The following HS3ST5 variants were observed in gnomAD, a reference collection of about 807,000 sequenced individuals.
HS3ST5 encodes the protein heparan sulfate glucosamine 3-O-sulfotransferase 5.
Under a neutral mutation model 25.4 loss-of-function variants are expected in HS3ST5, and 10 were observed. The observed-to-expected ratio is 0.39, with a 90% CI of 0.24 to 0.67. The LOEUF (loss-of-function observed/expected upper bound fraction) is 0.67, where lower values mean the gene tolerates loss of function less well. Ranked by LOEUF, HS3ST5 falls within the 30% of genes least tolerant of loss-of-function variation. HS3ST5 has a pLI of 0.44. For missense variants in HS3ST5, 324 were observed against 420.7 expected (o/e 0.77, Z 2.01); for synonymous variants, 170 against 162.4 (o/e 1.05, Z -0.36).
At chr6:114,332,157 A>C (rs1776424818) in intron 1 of HS3ST5, among the ~76,000 whole-genome samples, 1 of 152,170 alleles carries the variant, frequency 6.6e-6, no homozygotes, top group African/African-American at 2.4e-5. Flanking sequence ...ATCTCTTAAA[A>C]ATTATTATAA....
At chr6:114,194,191 G>A (rs1300121365) in intron 2 of HS3ST5, among the ~76,000 whole-genome samples, 1 of 152,126 alleles carries the variant, frequency 6.6e-6, no homozygotes, top group Non-Finnish European at 1.5e-5. Flanking sequence ...CTTTTGCATT[G>A]ACTAAATCTG....
At chr6:114,120,841 T>C (rs1776752767) in intron 3 of HS3ST5, among the ~76,000 whole-genome samples, 1 of 152,224 alleles carries the variant, frequency 6.6e-6, no homozygotes, top group African/African-American at 2.4e-5. Context: ...AGGATTTTGT[T>C]CTTTTTCTTT....
chr6:114,305,438 C>G (rs568378548), intron 1 of HS3ST5, among the ~76,000 whole-genome samples: 1 of 152,164 alleles, frequency 6.6e-6, no homozygotes, highest in African/African-American at 2.4e-5. Context: ...TGAATAATAG[C>G]AGCTTGACAG....
intron 1 of HS3ST5, among the ~76,000 whole-genome samples, chr6:114,277,554 A>G (rs1439658917): frequency 6.6e-6 from 1 of 151,808 alleles, no homozygotes; most frequent in Non-Finnish European, 1.5e-5. Context: ...GCAAATATTA[A>G]CTTTTTCCCC....
chr6:114,328,801 T>C (rs1257804907), intron 1 of HS3ST5, among the ~76,000 whole-genome samples: 1 of 152,188 alleles, frequency 6.6e-6, no homozygotes, highest in African/African-American at 2.4e-5. Context: ...TGATAAAAGA[T>C]GGGCTTGATA....
In HS3ST5 at chr6:114,154,448, A is replaced by G. The variant is rs140232119; in HGVS notation, c.-33+13903T>C. ...TGAGGCAGGCAAGTTGCTTTAGCCCAGGGGTTTGAAACCAACCTGGGCAAC... is the reference window on the plus strand; with the variant it reads ...TGAGGCAGGCAAGTTGCTTTAGCCCGGGGGTTTGAAACCAACCTGGGCAAC... On this transcript the variant is annotated intron_variant, in intron 3 of 4. Coordinates refer to ENST00000312719, the MANE Select transcript of HS3ST5 (RefSeq NM_153612.4). Among the ~76,000 whole-genome samples the G allele has an allele frequency of 4.6e-3, 705 of 152,254 alleles. 9 individuals are homozygous for G. Among genetic ancestry groups the G allele is most frequent in the African/African-American group, 0.014 (594 of 41,532 alleles).
chr6:114,186,620 T>C (rs1562230386), intron 2 of HS3ST5, among the ~76,000 whole-genome samples: 1 of 152,196 alleles, frequency 6.6e-6, no homozygotes, highest in Non-Finnish European at 1.5e-5. Flanking sequence ...GCAGCAAATG[T>C]TGATATAGAG....
At chr6:114,318,042 G>A (rs920712483) in intron 1 of HS3ST5, among the ~76,000 whole-genome samples, 4 of 152,068 alleles carry the variant, frequency 2.6e-5, no homozygotes, top group Admixed American at 6.6e-5. Flanking sequence ...TACAACTGGC[G>A]AGAGTTAAGC....
At chr6:114,237,329 C>CTTTTTTTTTTTTTTTTT (rs35288943) in intron 1 of HS3ST5, among the ~76,000 whole-genome samples, 1 of 145,270 alleles carries the variant, frequency 6.9e-6, no homozygotes. Flanking sequence ...GATACGAGTA[C>CTTTTTTTTTTTTTTTTT]TTTTTTTTTT....
chr6:114,102,404 C>G (rs1429654655), intron 3 of HS3ST5, among the ~76,000 whole-genome samples: 1 of 152,150 alleles, frequency 6.6e-6, no homozygotes, highest in Non-Finnish European at 1.5e-5. Context: ...GAGGAGCTCA[C>G]TGTTGTTTGT....
chr6:114,329,526 C>T (rs1776306021), intron 1 of HS3ST5, among the ~76,000 whole-genome samples: 1 of 152,158 alleles, frequency 6.6e-6, no homozygotes, highest in Admixed American at 6.6e-5. Context: ...CTCACCTCCC[C>T]TAACTTCTCT....
At chr6:114,301,557 A>G (rs1394580996) in intron 1 of HS3ST5, among the ~76,000 whole-genome samples, 1 of 152,178 alleles carries the variant, frequency 6.6e-6, no homozygotes, top group African/African-American at 2.4e-5. Context: ...TACATCTGGA[A>G]GAAGCCATAA....
At chr6:114,327,651 T>C (rs908720390) in intron 1 of HS3ST5, among the ~76,000 whole-genome samples, 1 of 148,250 alleles carries the variant, frequency 6.7e-6, no homozygotes, top group Non-Finnish European at 1.5e-5. Flanking sequence ...GGTCCAGACA[T>C]GCAACATCAT....
intron 3 of HS3ST5, among the ~76,000 whole-genome samples, chr6:114,111,983 G>A (rs938218482): frequency 3.9e-5 from 6 of 151,932 alleles, no homozygotes; most frequent in African/African-American, 1.2e-4. Flanking sequence ...CCTCCTTGCC[G>A]TCCTTCTCAT....
intron 1 of HS3ST5, among the ~76,000 whole-genome samples, chr6:114,235,070 C>T (rs1256044525): frequency 6.6e-6 from 1 of 152,110 alleles, no homozygotes; most frequent in Non-Finnish European, 1.5e-5. Flanking sequence ...TTGCAGTGAG[C>T]TGAGACTGTG....
At chr6:114,306,293 A>AT (rs1775295037) in intron 1 of HS3ST5, among the ~76,000 whole-genome samples, 2 of 147,732 alleles carry the variant, frequency 1.4e-5, no homozygotes, top group Middle Eastern at 3.3e-3. Context: ...ATATATATAT[A>AT]AAATATATAT....
chr6:114,321,283 G>A (rs1462826552), intron 1 of HS3ST5, among the ~76,000 whole-genome samples: 3 of 151,990 alleles, frequency 2.0e-5, no homozygotes, highest in South Asian at 2.1e-4. Flanking sequence ...TATCAAAAAC[G>A]ATTTGCTGTT....
At chr6:114,253,578 A>G (rs1284557824) in intron 1 of HS3ST5, among the ~76,000 whole-genome samples, 1 of 152,230 alleles carries the variant, frequency 6.6e-6, no homozygotes, top group Non-Finnish European at 1.5e-5. Context: ...GAATGACAGG[A>G]GAGCAGAGGA....
At chr6:114,298,929 A>G (rs574555403) in intron 1 of HS3ST5, among the ~76,000 whole-genome samples, 1 of 152,274 alleles carries the variant, frequency 6.6e-6, no homozygotes, top group Non-Finnish European at 1.5e-5. Flanking sequence ...CAAATTGTAG[A>G]GCATGCGTGT....
Sources: allele counts gnomAD v4.1 joint callset (sites outside exome capture counted in the v4.1 genomes callset), GRCh38; gene constraint gnomAD v4.1.1; transcripts MANE v1.5; gene names NCBI Gene and HGNC (gene_info 2026-07-23, HGNC 2026-07-21).